The following SEC31B variants were observed in gnomAD, a reference collection of about 807,000 sequenced individuals.
The protein encoded by SEC31B is protein transport protein Sec31B.
A neutral mutation model predicts 135.0 loss-of-function variants in SEC31B; 113 were observed. That is an observed-to-expected ratio of 0.84 (90% confidence interval 0.72 to 0.98). The LOEUF (loss-of-function observed/expected upper bound fraction) is 0.98. SEC31B is among the 50% of genes least tolerant of loss of function. SEC31B has a pLI of 0.00. For synonymous variants in SEC31B, 508 were observed against 549.4 expected, an observed-to-expected ratio of 0.92 and a Z score of 1.05; for missense variants, 1,296 against 1,421.1, an observed-to-expected ratio of 0.91 and a Z score of 1.42.
At chr10:100,502,628 G>T (rs983954375) in intron 10 of SEC31B, 144 bp from the exon 11 acceptor site, 1 of 622,364 alleles carries the variant, frequency 1.6e-6, no homozygotes, top group Admixed American at 3.0e-5. Context: ...GGGTGGAATA[G>T]GATCAGGAAT....
At chr10:100,511,921 T>TG (rs1378680099) in intron 3 of SEC31B, among the ~76,000 whole-genome samples, 2 of 151,992 alleles carry the variant, frequency 1.3e-5, no homozygotes, top group African/African-American at 2.4e-5. Flanking sequence ...CAATTTACAG[T>TG]GGGAAAAAAA....
chr10:100,508,654 T>C (rs1409145383), intron 5 of SEC31B: 1 of 405,214 alleles, frequency 2.5e-6, no homozygotes, highest in Non-Finnish European at 4.7e-6. Flanking sequence ...GGTCCTACTC[T>C]TCCTCCCTCT....
chr10:100,499,531 T>A lies in SEC31B; in HGVS notation c.1478A>T (p.Gln493Leu), dbSNP rs1446802575. 6.2e-7 allele frequency: 1 copy of A among 1,607,776 alleles called. No homozygotes were observed. Among genetic ancestry groups the A allele is most frequent in the Admixed American group, 1.7e-5 (1 of 58,560 alleles). ...ATGTGAAAAGCAGCTTACCTTCTTC[T>A]GAAGCTCATCTTTACTGTATCCTAA... Reference protein sequence around the residue: ...KLLGYSKDELQKKVATWLKSD... With the variant: ...KLLGYSKDELLKKVATWLKSD... The change falls in exon 12 of 26, where the codon CAG becomes CTG. Residue 493 changes from glutamine to leucine, a missense_variant. Coordinates refer to ENST00000370345, the MANE Select transcript of SEC31B (RefSeq NM_015490.4).
At chr10:100,505,997 G>A (rs1270281544) in intron 9 of SEC31B, 43 bp downstream of exon 9, 1 of 1,610,516 alleles carries the variant, frequency 6.2e-7, no homozygotes, top group Non-Finnish European at 8.5e-7. Flanking sequence ...CACAAACAGA[G>A]ACAGCCCCTT....
intron 18 of SEC31B, 32 bp from the exon 19 acceptor site, chr10:100,495,578 A>G (rs1198634674): frequency 1.4e-5 from 22 of 1,597,006 alleles, no homozygotes; most frequent in Non-Finnish European, 1.8e-5. Flanking sequence ...AGCTGTGTCA[A>G]GAAATTAAAA....
At chr10:100,508,982 G>C in intron 5 of SEC31B, 25 bp downstream of exon 5, 1 of 1,563,418 alleles carries the variant, frequency 6.4e-7, no homozygotes, top group Non-Finnish European at 8.8e-7. Context: ...ACACTCCAGG[G>C]TTGGGTAGTG....
chr10:100,509,197 C>T, intron 4 of SEC31B, 95 bp from the exon 5 acceptor site: 4 of 1,506,974 alleles, frequency 2.7e-6, no homozygotes, highest in South Asian at 1.2e-5. Flanking sequence ...TATCAAAAGC[C>T]TCCCCTGAAA....
chr10:100,495,589 C>G (rs1851392821), intron 18 of SEC31B, 43 bp from the exon 19 acceptor site: 6 of 1,580,052 alleles, frequency 3.8e-6, no homozygotes, highest in Non-Finnish European at 5.2e-6. Flanking sequence ...GAAATTAAAA[C>G]AATCAAGGCC....
intron 3 of SEC31B, 131 bp downstream of exon 3, chr10:100,515,965 A>T: frequency 8.8e-7 from 1 of 1,140,066 alleles, no homozygotes; most frequent in Non-Finnish European, 1.3e-6. Flanking sequence ...GCCCAGAATT[A>T]ACTTTTCTCC....
chr10:100,500,354 A>C (rs1462404708), intron 11 of SEC31B, among the ~76,000 whole-genome samples: 2 of 151,694 alleles, frequency 1.3e-5, no homozygotes, highest in Middle Eastern at 3.4e-3. Context: ...TTGCTGTCTC[A>C]ACCAGGCTGG....
In SEC31B at chr10:100,487,634, A is replaced by T. The variant is rs142736057; in HGVS notation, c.3522T>A (p.Ala1174=). The T allele has an allele frequency of 2.5e-6, 4 of 1,612,898 alleles. No homozygotes were observed. In the African/African-American group the frequency reaches 5.3e-5, roughly 22 times the overall value. The stretch of plus-strand genomic sequence containing the variant: ...GCCTGGTTTAGACCAGCAGCTTATG[A>T]GCGATGATGAGGACAGCCTTCAGGA... ...MPILKAVLII[A]HKLLV is the part of the protein sequence containing the mutation. Residue 1174 remains alanine, a synonymous_variant, in exon 26 of 26, where the codon GCT becomes GCA. Transcript: ENST00000370345.
At chr10:100,499,396 TC>T in intron 12 of SEC31B, 127 bp downstream of exon 12, 1 of 1,099,418 alleles carries the variant, frequency 9.1e-7, no homozygotes, top group Non-Finnish European at 1.3e-6. Context: ...AAAAACAAAC[TC>T]CAGGATGTAA....
At position 100,502,499 on chromosome 10, in the gene SEC31B, C is replaced by T; in HGVS notation, c.1180-15G>A. The T allele has an allele frequency of 6.9e-6, 11 of 1,583,946 alleles. No homozygotes were observed. Among genetic ancestry groups the T allele is most frequent in the Non-Finnish European group, 9.5e-6 (11 of 1,156,090 alleles). On this transcript the variant is annotated splice_polypyrimidine_tract_variant and intron_variant, in intron 10 of 25. Coordinates refer to ENST00000370345, the MANE Select transcript of SEC31B (RefSeq NM_015490.4). ...TTCCCTCCAAACTGGTGAGGAAAAG[C>T]AAGAAGGGTAAAGGTTATACCTTCA...
chr10:100,490,903 T>C lies in SEC31B; in HGVS notation c.2473-20A>G. 1 of 1,394,670 alleles carries C rather than the reference T, an allele frequency of 7.2e-7. No individual in the cohort carries two copies. Among genetic ancestry groups the C allele is most frequent in the Non-Finnish European group, 9.4e-7 (1 of 1,059,358 alleles). The allele number at this position is 1,394,670 out of a possible 1,614,324, so 86.4% of individuals were successfully genotyped here. Reference sequence around the variant, plus strand: ...TGGGACCTATGAAGAGAAAAAAACATCAGCTCTTGGAAAGGAAAGAGAAAG... The same window carrying C: ...TGGGACCTATGAAGAGAAAAAAACACCAGCTCTTGGAAAGGAAAGAGAAAG... On this transcript the variant is annotated intron_variant, in intron 19 of 25. Transcript: ENST00000370345.
intron 16 of SEC31B, 136 bp downstream of exon 16, chr10:100,497,531 G>A: frequency 1.3e-6 from 2 of 1,542,754 alleles, no homozygotes; most frequent in South Asian, 2.5e-5. Flanking sequence ...CCTCCTGGCT[G>A]AGCCAGATTC....
chr10:100,487,934 G>C lies in SEC31B; in HGVS notation c.3360+93C>G, dbSNP rs150188302. Reference sequence around the variant, plus strand: ...TATTTTGTGGGGAACCCAGGTCAGTGACACCTATGGGAAGAAAAGACACTG... The same window carrying C: ...TATTTTGTGGGGAACCCAGGTCAGTCACACCTATGGGAAGAAAAGACACTG... On this transcript the variant is annotated intron_variant, in intron 25 of 25. Coordinates refer to ENST00000370345, the MANE Select transcript of SEC31B (RefSeq NM_015490.4). 3.6e-5 allele frequency: 54 copies of C among 1,513,846 alleles called. No individual in the cohort carries two copies. In the Middle Eastern group the frequency reaches 7.3e-4, roughly 20 times the overall value. 93.8% of individuals were successfully genotyped at this position (1,513,846 alleles called of 1,614,324 possible).
chr10:100,489,000 G>A, intron 23 of SEC31B, 26 bp from the exon 24 acceptor site: 3 of 1,578,906 alleles, frequency 1.9e-6, no homozygotes, highest in Non-Finnish European at 2.6e-6. Flanking sequence ...CAGGGAGAAA[G>A]GCCAGAGGGG....
chr10:100,490,562 T>C lies in SEC31B; in HGVS notation c.2650+144A>G. 3.2e-6 allele frequency: 3 copies of C among 928,550 alleles called. No homozygotes were observed. The South Asian group carries it at 5.7e-5, about 18-fold the overall frequency. 57.5% of individuals were successfully genotyped at this position (928,550 alleles called of 1,614,324 possible). A position where few individuals can be genotyped will look rare whatever the true frequency, so the allele number is the denominator to read the frequency against. ...TATATTGCCAAAGGTACGAAGCCAG[T>C]GATAGCATTAGGAATTCAGACTTCA... is the stretch of plus-strand genomic sequence containing the variant. On this transcript the variant is annotated intron_variant, in intron 20 of 25. Transcript: ENST00000370345.
chr10:100,515,929 G>A (rs574598417), intron 3 of SEC31B, among the ~76,000 whole-genome samples, 167 bp downstream of exon 3: 1 of 151,878 alleles, frequency 6.6e-6, no homozygotes, highest in African/African-American at 2.4e-5. Context: ...GGGGGTGGTT[G>A]TTTTTTAAAT....
Sources: allele counts gnomAD v4.1 joint callset (sites outside exome capture counted in the v4.1 genomes callset), GRCh38; gene constraint gnomAD v4.1.1; transcripts MANE v1.5; gene names NCBI Gene and HGNC (gene_info 2026-07-23, HGNC 2026-07-21).